RFX3: variants seen among roughly 807,000 people sequenced by gnomAD.
The protein encoded by RFX3 is transcription factor RFX3.
RFX3 carries 14 observed loss-of-function variants against 98.6 expected under a neutral mutation model. That is an observed-to-expected ratio of 0.14 (90% CI 0.09 to 0.22). The LOEUF (loss-of-function observed/expected upper bound fraction) is 0.22. RFX3 is among the 10% of genes least tolerant of loss of function. The pLI, the probability that RFX3 is intolerant of heterozygous loss-of-function variation, is 1.00. For synonymous variants in RFX3, 383 were observed against 328.4 expected (o/e 1.17, Z -1.80); for missense variants, 639 against 926.9 (o/e 0.69, Z 4.03).
At chr9:3,297,547 G>C (rs1828142215) in intron 5 of RFX3, among the ~76,000 whole-genome samples, 1 of 151,924 alleles carries the variant, frequency 6.6e-6, no homozygotes, top group Non-Finnish European at 1.5e-5. Context: ...ACATCTAAAT[G>C]TAACATTTGT....
chr9:3,271,634 A>G (rs1252743536), intron 9 of RFX3, among the ~76,000 whole-genome samples: 2 of 151,738 alleles, frequency 1.3e-5, no homozygotes, highest in Non-Finnish European at 2.9e-5. Context: ...ACCTATTCTA[A>G]GACCTGGAAG....
At chr9:3,369,869 G>T (rs1000374732) in intron 2 of RFX3, among the ~76,000 whole-genome samples, 8 of 152,024 alleles carry the variant, frequency 5.3e-5, no homozygotes, top group Admixed American at 2.0e-4. Flanking sequence ...TTGATCTGTC[G>T]CCCAGGCTGG....
intron 1 of RFX3, among the ~76,000 whole-genome samples, chr9:3,517,712 A>G (rs1818312824): frequency 6.6e-6 from 1 of 152,248 alleles, no homozygotes; most frequent in Admixed American, 6.5e-5. Context: ...ACTTAGCCAG[A>G]GGCCAGTACA....
At chr9:3,402,474 A>G (rs1841567750) in intron 1 of RFX3, among the ~76,000 whole-genome samples, 2 of 152,252 alleles carry the variant, frequency 1.3e-5, no homozygotes, top group South Asian at 2.1e-4. Flanking sequence ...TAGTAAAAAT[A>G]AACGACATCT....
chr9:3,316,478 C>A (rs184700396), intron 4 of RFX3, among the ~76,000 whole-genome samples: 5 of 152,272 alleles, frequency 3.3e-5, no homozygotes, highest in African/African-American at 9.6e-5. Context: ...GACAGGGATA[C>A]CCTCTCTCAC....
chr9:3,382,045 T>G (rs1346345402), intron 2 of RFX3, among the ~76,000 whole-genome samples: 5 of 152,170 alleles, frequency 3.3e-5, no homozygotes, highest in African/African-American at 1.2e-4. Flanking sequence ...GACTCCACTC[T>G]ATCTCCTTTG....
At chr9:3,380,844 T>C (rs1839114003) in intron 2 of RFX3, among the ~76,000 whole-genome samples, 2 of 152,184 alleles carry the variant, frequency 1.3e-5, no homozygotes, top group Admixed American at 1.3e-4. Context: ...GCATTCTTAG[T>C]AGTGCTATTT....
At chr9:3,520,946 G>C (rs996301726) in intron 1 of RFX3, among the ~76,000 whole-genome samples, 6 of 152,052 alleles carry the variant, frequency 3.9e-5, no homozygotes, top group Admixed American at 3.9e-4. Flanking sequence ...CCAAAGTGTT[G>C]GGATTATAAA....
intron 1 of RFX3, among the ~76,000 whole-genome samples, chr9:3,493,697 A>ATT (rs1850903815): frequency 8.1e-6 from 1 of 122,740 alleles, no homozygotes; most frequent in African/African-American, 3.8e-5. Context: ...AAAAAAAAAA[A>ATT]AAAATATATA....
At chr9:3,356,618 A>C (rs1835805457) in intron 2 of RFX3, among the ~76,000 whole-genome samples, 1 of 151,908 alleles carries the variant, frequency 6.6e-6, no homozygotes, top group African/African-American at 2.4e-5. Flanking sequence ...ACCTCTCCCA[A>C]CTGTTTTTAT....
intron 15 of RFX3, 22 bp from the exon 16 acceptor site, chr9:3,228,911 T>C: frequency 3.7e-6 from 6 of 1,605,144 alleles, no homozygotes; most frequent in Non-Finnish European, 5.1e-6. Flanking sequence ...TAGTCATTTG[T>C]GCAATAGTTA....
intron 2 of RFX3, among the ~76,000 whole-genome samples, chr9:3,368,890 C>T (rs1198175195): frequency 6.6e-6 from 1 of 152,156 alleles, no homozygotes; most frequent in Non-Finnish European, 1.5e-5. Context: ...CTGATGTAGA[C>T]GAGAGAAAGA....
At chr9:3,410,882 T>C (rs74471670) in intron 1 of RFX3, among the ~76,000 whole-genome samples, 74 of 152,352 alleles carry the variant, frequency 4.9e-4, no homozygotes, top group African/African-American at 1.8e-3. Flanking sequence ...TGGTTTTTAC[T>C]AGCTCATAAG....
intron 1 of RFX3, among the ~76,000 whole-genome samples, chr9:3,525,466 T>TC (rs1288393605): frequency 6.6e-6 from 1 of 151,750 alleles, no homozygotes; most frequent in Non-Finnish European, 1.5e-5. Flanking sequence ...CCCCCCAAGC[T>TC]CCCGCTCCAT....
chr9:3,243,117 T>A (rs1025757775), intron 15 of RFX3, among the ~76,000 whole-genome samples: 1 of 151,960 alleles, frequency 6.6e-6, no homozygotes, highest in African/African-American at 2.4e-5. Flanking sequence ...TCAATTTGTC[T>A]GGTCAGAGTT....
intron 1 of RFX3, among the ~76,000 whole-genome samples, chr9:3,397,304 G>A (rs1425372959): frequency 2.0e-5 from 3 of 152,202 alleles, no homozygotes; most frequent in Admixed American, 2.0e-4. Context: ...TGGAGGAATG[G>A]AGCAAGAGAA....
chr9:3,339,019 G>A (rs929518628), intron 3 of RFX3, among the ~76,000 whole-genome samples: 12 of 152,004 alleles, frequency 7.9e-5, no homozygotes, highest in African/African-American at 2.9e-4. Context: ...AACCTGGAAG[G>A]CAGAGGTTGC....
chr9:3,218,314 C>T lies in RFX3; in HGVS notation c.*6728G>A, dbSNP rs773567563. ...TTCCAATGTATTTGTAACAAGGAAA[C>T]AAATTTATTGATTTTAAAAGACAAG... On this transcript the variant is annotated 3_prime_UTR_variant, in exon 17 of 17. Coordinates refer to ENST00000617270, the MANE Select transcript of RFX3 (RefSeq NM_001282116.2). The T allele has an allele frequency of 2.6e-5, 4 of 151,998 alleles. No individual in the cohort carries two copies. The highest frequency in any genetic ancestry group is 5.9e-5 in the Non-Finnish European group (4 of 67,964). The allele number at this position is 151,998 out of a possible 1,614,324, so 9.4% of individuals were successfully genotyped here. A position where few individuals can be genotyped will look rare whatever the true frequency, so the allele number is the denominator to read the frequency against.
At chr9:3,490,044 C>T (rs1394706609) in intron 1 of RFX3, among the ~76,000 whole-genome samples, 4 of 151,926 alleles carry the variant, frequency 2.6e-5, no homozygotes, top group South Asian at 2.1e-4. Flanking sequence ...ACTGAAAACA[C>T]ATAACTATGT....
Sources: allele counts gnomAD v4.1 joint callset (sites outside exome capture counted in the v4.1 genomes callset), GRCh38; gene constraint gnomAD v4.1.1; transcripts MANE v1.5; gene names NCBI Gene and HGNC (gene_info 2026-07-23, HGNC 2026-07-21).